Variants in SVIL observed in about 807,000 individuals in gnomAD.
SVIL encodes archvillin.
A neutral mutation model predicts 240.4 loss-of-function variants in SVIL; 101 were observed. The observed-to-expected ratio is 0.42, with a 90% CI of 0.36 to 0.50. The LOEUF (loss-of-function observed/expected upper bound fraction) is 0.50. SVIL is among the 20% of genes least tolerant of loss of function. The pLI, the probability that SVIL is intolerant of heterozygous loss-of-function variation, is 0.01. For synonymous variants in SVIL, 999 were observed against 1,100.0 expected (o/e 0.91, Z 1.82); for missense variants, 2,512 against 2,818.7 (o/e 0.89, Z 2.46).
At chr10:29,473,573 C>T in intron 30 of SVIL, 1 of 513,278 alleles carries the variant, frequency 1.9e-6, no homozygotes, top group South Asian at 2.5e-5. Context: ...TCAAAGCCAC[C>T]CATTGGCCAT....
intron 1 of SVIL, among the ~76,000 whole-genome samples, chr10:29,691,429 T>C (rs1368153174): frequency 6.6e-6 from 1 of 152,126 alleles, no homozygotes; most frequent in Non-Finnish European, 1.5e-5. Flanking sequence ...GGCAGGATGG[T>C]CTCGATCTCC....
intron 1 of SVIL, among the ~76,000 whole-genome samples, chr10:29,725,698 T>G (rs2132705604): frequency 6.6e-6 from 1 of 152,272 alleles, no homozygotes; most frequent in South Asian, 2.1e-4. Flanking sequence ...GGCAGAGGGC[T>G]CTGGGGCTCA....
intron 1 of SVIL, among the ~76,000 whole-genome samples, chr10:29,713,532 AT>A (rs915948116): frequency 1.5e-4 from 23 of 150,812 alleles, no homozygotes; most frequent in African/African-American, 3.4e-4. Flanking sequence ...GAGTCAGCAA[AT>A]TTTTTTTTTC....
chr10:29,723,565 AT>A (rs1964111473), intron 1 of SVIL, among the ~76,000 whole-genome samples: 1 of 152,160 alleles, frequency 6.6e-6, no homozygotes, highest in African/African-American at 2.4e-5. Context: ...AATAATAATT[AT>A]TATTATATAA....
chr10:29,651,299 T>A (rs1177074569), intron 3 of SVIL, among the ~76,000 whole-genome samples: 1 of 152,186 alleles, frequency 6.6e-6, no homozygotes, highest in Middle Eastern at 3.2e-3. Context: ...TTCATCAGAA[T>A]CTGGTGACAG....
chr10:29,471,354 A>C, intron 30 of SVIL, 111 bp from the exon 31 acceptor site: 1 of 826,760 alleles, frequency 1.2e-6, no homozygotes, highest in Non-Finnish European at 1.9e-6. Flanking sequence ...GTACAAACAA[A>C]AGCCATTGCT....
Position 29,586,341 on chromosome 10 carries a change from T to G in SVIL, c.-200-17029A>C, listed in dbSNP as rs539978954. On this transcript the variant is annotated intron_variant, in intron 1 of 37. Transcript: ENST00000355867. ...ATGTACATATTTATGGGGTACGGAGTGATGTTTGGATATGTATAATGTATA... is the reference window on the plus strand; with the variant it reads ...ATGTACATATTTATGGGGTACGGAGGGATGTTTGGATATGTATAATGTATA... Among the ~76,000 whole-genome samples, 16 of 152,082 alleles carry G rather than the reference T, an allele frequency of 1.1e-4. No homozygotes were observed. The South Asian group carries it at 3.3e-3, about 32-fold the overall frequency.
At chr10:29,691,902 C>T (rs572140015) in intron 1 of SVIL, among the ~76,000 whole-genome samples, 89 of 152,246 alleles carry the variant, frequency 5.8e-4, no homozygotes, top group African/African-American at 2.0e-3. Context: ...CTGAGCAGCA[C>T]GCTAAGGAAA....
intron 1 of SVIL, among the ~76,000 whole-genome samples, chr10:29,570,565 G>C (rs1955351689): frequency 6.6e-6 from 1 of 152,190 alleles, no homozygotes; most frequent in South Asian, 2.1e-4. Context: ...GTTCCAAACT[G>C]TCTCACATGA....
At chr10:29,624,554 C>T (rs1174295776) in intron 1 of SVIL, among the ~76,000 whole-genome samples, 1 of 152,146 alleles carries the variant, frequency 6.6e-6, no homozygotes. Flanking sequence ...AAACAAAAAA[C>T]GCCTGCTCAA....
intron 9 of SVIL, 27 bp from the exon 10 acceptor site, chr10:29,531,315 T>C: frequency 6.2e-7 from 1 of 1,607,398 alleles, no homozygotes; most frequent in Non-Finnish European, 8.5e-7. Context: ...CAAATAACAA[T>C]AATACATTAG....
intron 1 of SVIL, among the ~76,000 whole-genome samples, chr10:29,592,293 T>C (rs375684430): frequency 1.3e-5 from 2 of 152,222 alleles, no homozygotes; most frequent in South Asian, 4.1e-4. Flanking sequence ...TCTGAAACAA[T>C]GTCACTGCTT....
intron 1 of SVIL, among the ~76,000 whole-genome samples, chr10:29,620,976 T>C (rs1316444336): frequency 1.3e-5 from 2 of 151,714 alleles, no homozygotes; most frequent in Non-Finnish European, 2.9e-5. Context: ...AAATTTTTTT[T>C]TTTTTTTTGT....
At chr10:29,684,720 C>T (rs552071160) in intron 2 of SVIL, among the ~76,000 whole-genome samples, 4 of 152,142 alleles carry the variant, frequency 2.6e-5, no homozygotes, top group African/African-American at 7.2e-5. Context: ...TAGGAAAAGA[C>T]CTGGAAAGGG....
At chr10:29,509,333 GAGAGAGAGAGA>G (rs1949628047) in intron 17 of SVIL, among the ~76,000 whole-genome samples, 1 of 42,438 alleles carries the variant, frequency 2.4e-5, no homozygotes, top group African/African-American at 1.2e-4. Context: ...GGGGGAGGGA[GAGAGAGAGAGA>G]GAGAGAGAGA....
intron 1 of SVIL, among the ~76,000 whole-genome samples, chr10:29,726,682 G>T (rs950430263): frequency 6.6e-6 from 1 of 152,160 alleles, no homozygotes; most frequent in African/African-American, 2.4e-5. Flanking sequence ...GGGAGGTGGA[G>T]GTTGCGGTGA....
At chr10:29,679,219 A>C (rs1003420941) in intron 2 of SVIL, among the ~76,000 whole-genome samples, 3 of 152,054 alleles carry the variant, frequency 2.0e-5, no homozygotes, top group African/African-American at 7.2e-5. Context: ...AAACAAACAA[A>C]CAAAACAAAA....
intron 2 of SVIL, among the ~76,000 whole-genome samples, chr10:29,681,468 T>TGAG (rs146639565): frequency 1.4e-4 from 20 of 146,116 alleles, no homozygotes; most frequent in African/African-American, 4.9e-4. Flanking sequence ...GAGAGAAGAA[T>TGAG]GAGGAGGAGG....
chr10:29,731,752 G>A (rs1589596888), intron 1 of SVIL, among the ~76,000 whole-genome samples: 4 of 152,156 alleles, frequency 2.6e-5, no homozygotes, highest in Non-Finnish European at 1.5e-5. Context: ...ACAGAAACAA[G>A]TAAGTCTCTT....
Sources: gnomAD v4.1 joint callset for allele counts (sites outside exome capture counted in the v4.1 genomes callset) on GRCh38, gnomAD v4.1.1 for gene constraint, MANE v1.5 for transcripts, NCBI Gene and HGNC (gene_info 2026-07-23, HGNC 2026-07-21) for gene names.